The following ADRA1A variants were observed in gnomAD, a reference collection of about 807,000 sequenced individuals.
ADRA1A encodes the protein alpha-1A adrenergic receptor.
A neutral mutation model predicts 29.6 loss-of-function variants in ADRA1A; 31 were observed. The ratio of observed to expected loss-of-function variants is 1.05; its 90% confidence interval spans 0.79 to 1.41. ADRA1A has a LOEUF of 1.41. Among genes scored for constraint, ADRA1A ranks in the 40% most tolerant of loss-of-function variants. ADRA1A has a pLI of 0.00. For missense variants in ADRA1A, 619 were observed against 601.1 expected (o/e 1.03, Z -0.31); for synonymous variants, 311 against 254.3 (o/e 1.22, Z -2.12).
chr8:26,835,030 C>A (rs1811245844), intron 2 of ADRA1A, among the ~76,000 whole-genome samples: 1 of 152,132 alleles, frequency 6.6e-6, no homozygotes, highest in African/African-American at 2.4e-5. Flanking sequence ...CAATGTCAAG[C>A]AAATACAAGC....
Position 26,769,368 on chromosome 8 carries a change from T to A in ADRA1A, c.*781A>T. ...GATCTTGGAACTGTTTAATGGATTT[T>A]CTCTCTAGTAGTTAAATTGAAAGAA... On this transcript the variant is annotated 3_prime_UTR_variant, in exon 3 of 3. Transcript: ENST00000380573. The A allele has an allele frequency of 1.0e-6, 1 of 985,456 alleles. No homozygotes were observed. Among genetic ancestry groups the A allele is most frequent in the Middle Eastern group, 5.2e-4 (1 of 1,914 alleles). 61.0% of individuals were successfully genotyped at this position (985,456 alleles called of 1,614,324 possible). A position where few individuals can be genotyped will look rare whatever the true frequency, so the allele number is the denominator to read the frequency against.
At chr8:26,757,180 C>G (rs1380325907) in intron 2 of ADRA1A, 1 of 668,770 alleles carries the variant, frequency 1.5e-6, no homozygotes, top group Non-Finnish European at 2.7e-6. Context: ...ACCTCATCCC[C>G]GAAAGTGACT....
intron 2 of ADRA1A, among the ~76,000 whole-genome samples, chr8:26,804,485 C>T (rs1808821484): frequency 6.6e-6 from 1 of 152,054 alleles, no homozygotes; most frequent in Non-Finnish European, 1.5e-5. Flanking sequence ...AGAAAAGAGG[C>T]CAAGAAGATT....
In ADRA1A at chr8:26,796,366, C is replaced by T. The variant is rs1319730873; in HGVS notation, c.884-25700G>A. On this transcript the variant is annotated intron_variant, in intron 2 of 2. Coordinates refer to ENST00000380573, the MANE Select transcript of ADRA1A (RefSeq NM_000680.4). The surrounding 1 kb of genome is among the most constrained non-coding windows in gnomAD (Gnocchi z 5.0). ...ATTACCTACAACATTTCGCTACCTT[C>T]ATCTGCATTTCCAAGTTTTTTTAAA... Among the ~76,000 whole-genome samples the T allele has an allele frequency of 6.6e-6, 1 of 152,196 alleles. No individual in the cohort carries two copies. Among genetic ancestry groups the T allele is most frequent in the Non-Finnish European group, 1.5e-5 (1 of 68,034 alleles).
chr8:26,806,739 T>C lies in ADRA1A; in HGVS notation c.884-36073A>G, dbSNP rs1809017816. Among the ~76,000 whole-genome samples, 6 of 152,042 alleles carry C rather than the reference T, an allele frequency of 3.9e-5. No individual in the cohort carries two copies. The highest frequency in any genetic ancestry group is 3.3e-4 in the Admixed American group (5 of 15,258). On this transcript the variant is annotated intron_variant, in intron 2 of 2. Transcript: ENST00000380573. This position sits in a 1 kb window ranked among gnomAD's most constrained non-coding sequence, Gnocchi z 4.6. ...TCATTACATAAAGCTGCCACATGCC[T>C]GGAAGGAGGAAATAGGAAGAGCACG...
intron 2 of ADRA1A, among the ~76,000 whole-genome samples, chr8:26,760,485 A>G (rs2130202248): frequency 6.6e-6 from 1 of 152,304 alleles, no homozygotes; most frequent in Admixed American, 6.5e-5. Context: ...TTAGACTATG[A>G]GAAGAGTAGA....
At chr8:26,794,913 A>C (rs1438579900) in intron 2 of ADRA1A, among the ~76,000 whole-genome samples, 1 of 152,146 alleles carries the variant, frequency 6.6e-6, no homozygotes, top group African/African-American at 2.4e-5. Flanking sequence ...AAAAGAAAGC[A>C]GATATAAATA....
At chr8:26,789,125 C>G (rs1227592450) in intron 2 of ADRA1A, among the ~76,000 whole-genome samples, 1 of 151,816 alleles carries the variant, frequency 6.6e-6, no homozygotes, top group South Asian at 2.1e-4. Flanking sequence ...TGACAGGCCT[C>G]CAGGTGTGAT....
chr8:26,859,193 A>T (rs1200545217), intron 2 of ADRA1A: 1 of 1,288,262 alleles, frequency 7.8e-7, no homozygotes, highest in East Asian at 5.5e-5. Context: ...GTCATATTTA[A>T]GAATGTATGT....
chr8:26,812,627 AT>A (rs1439787475), intron 2 of ADRA1A, among the ~76,000 whole-genome samples: 1 of 111,790 alleles, frequency 8.9e-6, no homozygotes, highest in African/African-American at 3.6e-5. Flanking sequence ...TTGCCTTTTT[AT>A]TTTTATTTAT....
At chr8:26,788,338 T>C (rs1038187474) in intron 2 of ADRA1A, among the ~76,000 whole-genome samples, 2 of 152,218 alleles carry the variant, frequency 1.3e-5, no homozygotes, top group African/African-American at 4.8e-5. Flanking sequence ...ATTTCTTCCA[T>C]GGATACCTGG....
chr8:26,763,165 C>G (rs944879573), downstream of ADRA1A, among the ~76,000 whole-genome samples: 1 of 152,146 alleles, frequency 6.6e-6, no homozygotes, highest in African/African-American at 2.4e-5. The surrounding 1 kb of genome is among the most constrained non-coding windows in gnomAD (Gnocchi z 4.5). Flanking sequence ...GCTTTCTGAA[C>G]CCCATGGCTC....
rs1813863169 is a variant in ADRA1A at position 26,865,807 on chromosome 8, C to T, written c.-686-152G>A. On this transcript the variant is annotated intron_variant, in intron 1 of 2. Coordinates refer to ENST00000380573, the MANE Select transcript of ADRA1A (RefSeq NM_000680.4). This position sits in a 1 kb window ranked among gnomAD's most constrained non-coding sequence, Gnocchi z 7.6. Reference sequence around the variant, plus strand: ...CGCCCGGCAGCGGTGGAGGCGACTTCGGAGCTCATCTCGCGCCCCCACCAC... The same window carrying T: ...CGCCCGGCAGCGGTGGAGGCGACTTTGGAGCTCATCTCGCGCCCCCACCAC... The T allele has an allele frequency of 1.5e-6, 1 of 678,806 alleles. No individual in the cohort carries two copies. The highest frequency in any genetic ancestry group is 2.0e-5 in the African/African-American group (1 of 51,254). 42.0% of individuals were successfully genotyped at this position (678,806 alleles called of 1,614,324 possible). A position where few individuals can be genotyped will look rare whatever the true frequency, so the allele number is the denominator to read the frequency against.
intron 2 of ADRA1A, among the ~76,000 whole-genome samples, chr8:26,803,766 A>T (rs1450011853): frequency 6.6e-6 from 1 of 152,222 alleles, no homozygotes; most frequent in Non-Finnish European, 1.5e-5. Context: ...ACTAGAATAG[A>T]CACTTGACAT....
At chr8:26,812,668 T>A (rs1283673822) in intron 2 of ADRA1A, among the ~76,000 whole-genome samples, 1 of 150,814 alleles carries the variant, frequency 6.6e-6, no homozygotes, top group Non-Finnish European at 1.5e-5. Context: ...TTTTCTTTAT[T>A]ATTATTATTT....
downstream of ADRA1A, among the ~76,000 whole-genome samples, chr8:26,764,666 C>T (rs1051024888): frequency 7.9e-5 from 12 of 152,288 alleles, no homozygotes; most frequent in Admixed American, 6.5e-4. Flanking sequence ...ATAATCTCTT[C>T]CTTCTCCTTC....
At chr8:26,803,404 C>G (rs1208527316) in intron 2 of ADRA1A, among the ~76,000 whole-genome samples, 1 of 152,074 alleles carries the variant, frequency 6.6e-6, no homozygotes, top group Admixed American at 6.6e-5. Context: ...GACTCTTGAA[C>G]TATACTTATA....
Position 26,775,116 on chromosome 8 carries a change from T to C in ADRA1A, c.884-4450A>G, listed in dbSNP as rs1222196019. Among the ~76,000 whole-genome samples the C allele has an allele frequency of 6.6e-6, 1 of 152,176 alleles. No individual in the cohort carries two copies. The highest frequency in any genetic ancestry group is 2.4e-5 in the African/African-American group (1 of 41,450). On this transcript the variant is annotated intron_variant, in intron 2 of 2. Coordinates refer to ENST00000380573, the MANE Select transcript of ADRA1A (RefSeq NM_000680.4). The surrounding 1 kb of genome is among the most constrained non-coding windows in gnomAD (Gnocchi z 4.1). ...GGCCGGCTTTGCTCACTCACGGAGC[T>C]CCAGAATCCAGTAAAATGCTAGAGT... is the stretch of plus-strand genomic sequence containing the variant.
At chr8:26,828,617 C>T (rs1810758159) in intron 2 of ADRA1A, among the ~76,000 whole-genome samples, 1 of 152,174 alleles carries the variant, frequency 6.6e-6, no homozygotes, top group Admixed American at 6.5e-5. Flanking sequence ...GATTTTGTTT[C>T]TGTTAATTTT....
Sources: allele counts gnomAD v4.1 joint callset (sites outside exome capture counted in the v4.1 genomes callset), GRCh38; gene constraint gnomAD v4.1.1; non-coding constraint Gnocchi (gnomAD v3.1); transcripts MANE v1.5; gene names NCBI Gene and HGNC (gene_info 2026-07-23, HGNC 2026-07-21).